Variants in IL1RAPL2 observed in about 807,000 individuals in gnomAD.
IL1RAPL2 encodes interleukin 1 receptor accessory protein like 2, also known as X-linked interleukin-1 receptor accessory protein-like 2.
Under a neutral mutation model 44.1 loss-of-function variants are expected in IL1RAPL2, and 3 were observed. The observed-to-expected ratio is 0.07, with a 90% CI of 0.03 to 0.18. The LOEUF is 0.18. Among genes scored for constraint, IL1RAPL2 ranks in the 10% least tolerant of loss-of-function variants. The pLI is 1.00. For synonymous variants in IL1RAPL2, 181 were observed against 178.8 expected (o/e 1.01, Z -0.10); for missense variants, 391 against 496.4 (o/e 0.79, Z 2.02).
chrX:105,732,729 T>G (rs763373910), intron 7 of IL1RAPL2, among the ~76,000 whole-genome samples: 1 of 111,941 alleles, frequency 8.9e-6, no homozygotes, highest in South Asian at 3.7e-4. Context: ...AATACATTTC[T>G]AACTAATCTA....
chrX:104,964,397 C>T (rs1271926756), intron 2 of IL1RAPL2, among the ~76,000 whole-genome samples: 1 of 105,967 alleles, frequency 9.4e-6, no homozygotes, highest in East Asian at 3.0e-4. Context: ...CTGCAAGCTC[C>T]ACCTCCTGGG....
chrX:105,467,867 A>G (rs2036141295), intron 5 of IL1RAPL2, among the ~76,000 whole-genome samples: 1 of 111,797 alleles, frequency 8.9e-6, no homozygotes, highest in Non-Finnish European at 1.9e-5. Flanking sequence ...TCGCCTTATC[A>G]TCAGAACTAG....
chrX:105,533,088 G>A (rs2036650642), intron 6 of IL1RAPL2, among the ~76,000 whole-genome samples: 1 of 110,952 alleles, frequency 9.0e-6, no homozygotes, highest in Non-Finnish European at 1.9e-5. Context: ...TACTTGGGAG[G>A]CTGAGGCAGA....
At chrX:105,312,109 C>A (rs768669359) in intron 5 of IL1RAPL2, among the ~76,000 whole-genome samples, 12 of 111,387 alleles carry the variant, frequency 1.1e-4, no homozygotes, top group Non-Finnish European at 2.3e-4. Flanking sequence ...CTTAGTTATT[C>A]CCTTAATACC....
chrX:104,585,312 A>AAT (rs1928511926), intron 1 of IL1RAPL2, among the ~76,000 whole-genome samples: 4 of 21,688 alleles, frequency 1.8e-4, no homozygotes, highest in African/African-American at 3.3e-4. Flanking sequence ...TATATTATAT[A>AAT]ATATATATTA....
chrX:105,189,453 A>G (rs1191571410), intron 2 of IL1RAPL2, among the ~76,000 whole-genome samples: 3 of 111,276 alleles, frequency 2.7e-5, no homozygotes, highest in Non-Finnish European at 5.7e-5. Context: ...CTCGTCTCGT[A>G]CTCCTGGCCT....
intron 5 of IL1RAPL2, among the ~76,000 whole-genome samples, chrX:105,447,083 A>C (rs528017204): frequency 1.8e-5 from 1 of 54,281 alleles, no homozygotes; most frequent in Admixed American, 2.8e-4. Context: ...AATTATATAT[A>C]TATATATATA....
chrX:104,587,756 T>G (rs1226932778), intron 1 of IL1RAPL2, among the ~76,000 whole-genome samples: 1 of 112,043 alleles, frequency 8.9e-6, no homozygotes, highest in African/African-American at 3.2e-5. Context: ...AACAAAGGCA[T>G]GTAGTTGCAA....
intron 2 of IL1RAPL2, among the ~76,000 whole-genome samples, chrX:104,954,243 T>C (rs1925655596): frequency 8.9e-6 from 1 of 112,668 alleles, no homozygotes; most frequent in African/African-American, 3.2e-5. Flanking sequence ...TGATTTTTAA[T>C]CATTAATTGT....
chrX:104,672,667 G>A (rs1346859948), intron 2 of IL1RAPL2, among the ~76,000 whole-genome samples: 1 of 102,510 alleles, frequency 9.8e-6, no homozygotes, highest in African/African-American at 3.6e-5. Flanking sequence ...CTGAGGAATC[G>A]CCACACTGAC....
At chrX:104,868,583 A>C (rs760883490) in intron 2 of IL1RAPL2, among the ~76,000 whole-genome samples, 2 of 112,414 alleles carry the variant, frequency 1.8e-5, no homozygotes, top group African/African-American at 6.4e-5. Flanking sequence ...ATCATCTCAC[A>C]TATGTAATTG....
intron 9 of IL1RAPL2, 29 bp from the exon 10 acceptor site, chrX:105,755,148 C>T (rs773491238): frequency 1.8e-5 from 19 of 1,079,018 alleles, no homozygotes; most frequent in Non-Finnish European, 2.3e-5. Flanking sequence ...TTAATAGTTA[C>T]AACCCTTTTG....
At chrX:105,044,599 G>T (rs2031812153) in intron 2 of IL1RAPL2, among the ~76,000 whole-genome samples, 1 of 111,348 alleles carries the variant, frequency 9.0e-6, no homozygotes, top group Admixed American at 9.6e-5. Context: ...ACCCCAGAAA[G>T]TTTCAAAAGT....
Position 104,997,200 on chromosome X carries a change from T to C in IL1RAPL2, c.83-198275T>C, listed in dbSNP as rs1349236587. Among the ~76,000 whole-genome samples the C allele has an allele frequency of 6.3e-5, 7 of 111,926 alleles. 1 individual carries two copies. The South Asian group carries it at 1.5e-3, about 24-fold the overall frequency. Reference sequence around the variant, plus strand: ...GCATTTAATATGTGGCTAGTCAAAATTGACATGTACCAAAGATTTAGTATG... The same window carrying C: ...GCATTTAATATGTGGCTAGTCAAAACTGACATGTACCAAAGATTTAGTATG... On this transcript the variant is annotated intron_variant, in intron 2 of 10. Coordinates refer to ENST00000372582, the MANE Select transcript of IL1RAPL2 (RefSeq NM_017416.2).
At chrX:105,260,246 A>G (rs2034346707) in intron 4 of IL1RAPL2, among the ~76,000 whole-genome samples, 1 of 112,188 alleles carries the variant, frequency 8.9e-6, no homozygotes. Flanking sequence ...TGGAACAGCT[A>G]AGTTTCCCAA....
chrX:105,069,219 C>A (rs1484051224), intron 2 of IL1RAPL2, among the ~76,000 whole-genome samples: 1 of 112,966 alleles, frequency 8.9e-6, no homozygotes, highest in African/African-American at 3.2e-5. Context: ...AGTGGCAAAT[C>A]AGAGTCATCT....
In IL1RAPL2 at chrX:105,406,507, T is replaced by C. The variant is rs781368621; in HGVS notation, c.698-77806T>C. The C allele has an allele frequency of 4.2e-5, 50 of 1,198,927 alleles. No individual in the cohort carries two copies. In the Admixed American group the frequency reaches 1.1e-3, roughly 26 times the overall value. On this transcript the variant is annotated intron_variant, in intron 5 of 10. Transcript: ENST00000372582. ...GAAAGGAATTTGTCCGATTTTTTGC[T>C]AGCAACTCCAACCAAGTCAGAACTG...
At chrX:105,501,984 A>C (rs2036398751) in intron 6 of IL1RAPL2, among the ~76,000 whole-genome samples, 1 of 112,177 alleles carries the variant, frequency 8.9e-6, no homozygotes, top group Non-Finnish European at 1.9e-5. Context: ...AGGTTGCATA[A>C]TATAGAGGAA....
intron 2 of IL1RAPL2, among the ~76,000 whole-genome samples, chrX:104,987,789 T>A (rs2030588845): frequency 1.8e-5 from 2 of 111,146 alleles, no homozygotes; most frequent in Admixed American, 1.9e-4. Flanking sequence ...CAAATACAAA[T>A]GGGTATGATG....
Sources: gnomAD v4.1 joint callset for allele counts (sites outside exome capture counted in the v4.1 genomes callset) on GRCh38, gnomAD v4.1.1 for gene constraint, MANE v1.5 for transcripts, NCBI Gene and HGNC (gene_info 2026-07-23, HGNC 2026-07-21) for gene names.